YWHAE: variants seen among roughly 807,000 people sequenced by gnomAD.
YWHAE encodes the protein 14-3-3 protein epsilon.
YWHAE carries 4 observed loss-of-function variants against 30.1 expected under a neutral mutation model. The ratio of observed to expected loss-of-function variants is 0.13; its 90% CI spans 0.07 to 0.30. The LOEUF (loss-of-function observed/expected upper bound fraction) is 0.30, where lower values mean the gene tolerates loss of function less well. Ranked by LOEUF, YWHAE falls within the 10% of genes least tolerant of loss-of-function variation. YWHAE has a pLI of 1.00. For missense variants in YWHAE, 121 were observed against 315.9 expected (o/e 0.38, Z 4.68); for synonymous variants, 118 against 111.8 (o/e 1.06, Z -0.35).
chr17:1,361,809 TAAATA>T (rs2072869155), intron 3 of YWHAE, 88 bp downstream of exon 3: 1 of 718,582 alleles, frequency 1.4e-6, no homozygotes, highest in Non-Finnish European at 2.2e-6. Flanking sequence ...CAATTATTCT[TAAATA>T]AAAGTTGAAA....
At chr17:1,358,180 G>A (rs1261046136) in intron 4 of YWHAE, among the ~76,000 whole-genome samples, 1 of 152,118 alleles carries the variant, frequency 6.6e-6, no homozygotes, top group Non-Finnish European at 1.5e-5. Context: ...CTTGAGGCCA[G>A]GATTTCAAGA....
chr17:1,359,229 C>T (rs1247166398), intron 4 of YWHAE, among the ~76,000 whole-genome samples: 1 of 151,990 alleles, frequency 6.6e-6, no homozygotes, highest in African/African-American at 2.4e-5. Flanking sequence ...CTCAGGTAGG[C>T]GAATCGGCTG....
intron 5 of YWHAE, chr17:1,348,130 C>T (rs1421908251): frequency 7.1e-6 from 2 of 280,676 alleles, no homozygotes; most frequent in Non-Finnish European, 1.1e-5. Context: ...GGTCTTACTT[C>T]GTGTAAACTT....
intron 1 of YWHAE, chr17:1,399,233 G>A (rs555023549): frequency 1.3e-5 from 2 of 152,216 alleles, no homozygotes; most frequent in African/African-American, 4.8e-5. Flanking sequence ...GCCAGAGAAA[G>A]GTTACAGGAA....
At position 1,382,662 on chromosome 17, in the gene YWHAE, T is replaced by C. The variant is rs147676479; in HGVS notation, c.64+17385A>G. On this transcript the variant is annotated intron_variant, in intron 1 of 5. Transcript: ENST00000264335. ...GGCGTGAGCCACCACGCCTGGCCAG[T>C]AGTTTTCATTATTTACTTGATATGG... Among the ~76,000 whole-genome samples the C allele has an allele frequency of 9.8e-3, 1,484 of 152,168 alleles. 23 individuals carry two copies. Among genetic ancestry groups the C allele is most frequent in the African/African-American group, 0.033 (1,383 of 41,532 alleles).
At chr17:1,399,121 C>T (rs1209269945) in intron 1 of YWHAE, 1 of 152,108 alleles carries the variant, frequency 6.6e-6, no homozygotes, top group Non-Finnish European at 1.5e-5. Flanking sequence ...GTAAAGTCAT[C>T]GTTTTTACAA....
At chr17:1,385,681 T>G (rs1850939251) in intron 1 of YWHAE, among the ~76,000 whole-genome samples, 1 of 152,094 alleles carries the variant, frequency 6.6e-6, no homozygotes, top group African/African-American at 2.4e-5. Context: ...GGTGGCCTGC[T>G]CCTGAATTTA....
At chr17:1,384,575 C>T (rs745537412) in intron 1 of YWHAE, among the ~76,000 whole-genome samples, 85 of 152,238 alleles carry the variant, frequency 5.6e-4, no homozygotes, top group South Asian at 1.0e-3. Context: ...CACCTGTACT[C>T]CCAGCTACTC....
intron 5 of YWHAE, among the ~76,000 whole-genome samples, chr17:1,352,758 C>T (rs927478589): frequency 3.3e-5 from 5 of 152,016 alleles, no homozygotes; most frequent in African/African-American, 4.8e-5. Context: ...ATCTCCTGAC[C>T]GCGTGATCCA....
intron 1 of YWHAE, among the ~76,000 whole-genome samples, chr17:1,378,408 C>T: frequency 6.6e-6 from 1 of 152,188 alleles, no homozygotes; most frequent in East Asian, 1.9e-4. Context: ...TAATTCATGA[C>T]AATCAACATT....
At chr17:1,379,273 TGAG>T (rs899953800) in intron 1 of YWHAE, among the ~76,000 whole-genome samples, 12 of 151,928 alleles carry the variant, frequency 7.9e-5, no homozygotes, top group African/African-American at 2.9e-4. Context: ...CTGCTTGAGC[TGAG>T]GAGTCTAAGC....
chr17:1,399,758 C>CCCG, intron 1 of YWHAE: 2 of 319,058 alleles, frequency 6.3e-6, no homozygotes, highest in Admixed American at 4.5e-5. Context: ...TCCCCCGCCC[C>CCCG]GGGACTCGCC....
Position 1,400,186 on chromosome 17 carries a change from C to G in YWHAE, c.-76G>C. ...TCTCCGACTCTCTCAGCCTCTCGCT[C>G]CGCGTCCGGGCAGCAAAAATGGCGG... On this transcript the variant is annotated 5_prime_UTR_variant, in exon 1 of 6. Coordinates refer to ENST00000264335, the MANE Select transcript of YWHAE (RefSeq NM_006761.5). The G allele has an allele frequency of 6.3e-7, 1 of 1,575,502 alleles. No homozygotes were observed. Among genetic ancestry groups the G allele is most frequent in the Non-Finnish European group, 8.7e-7 (1 of 1,147,286 alleles).
At chr17:1,345,972 T>G (rs1423990097) in intron 5 of YWHAE, among the ~76,000 whole-genome samples, 1 of 152,194 alleles carries the variant, frequency 6.6e-6, no homozygotes, top group Non-Finnish European at 1.5e-5. Flanking sequence ...GCCAAGAAGT[T>G]CTATCGTATT....
At chr17:1,394,081 T>C (rs2073427827) in intron 1 of YWHAE, among the ~76,000 whole-genome samples, 1 of 152,004 alleles carries the variant, frequency 6.6e-6, no homozygotes, top group Non-Finnish European at 1.5e-5. Flanking sequence ...TTCACAGAGG[T>C]CTTTTGAGTG....
At chr17:1,348,495 A>G (rs745682701) in intron 5 of YWHAE, among the ~76,000 whole-genome samples, 2 of 152,234 alleles carry the variant, frequency 1.3e-5, no homozygotes, top group Admixed American at 6.5e-5. Context: ...AAAAAAATCT[A>G]AATAATCCTT....
intron 1 of YWHAE, among the ~76,000 whole-genome samples, chr17:1,368,704 G>C (rs1363225017): frequency 6.6e-6 from 1 of 152,162 alleles, no homozygotes; most frequent in Non-Finnish European, 1.5e-5. Flanking sequence ...TTTAGAAGCA[G>C]TGGAATAGGT....
chr17:1,384,342 C>G (rs554337091), intron 1 of YWHAE, among the ~76,000 whole-genome samples: 10 of 151,570 alleles, frequency 6.6e-5, no homozygotes, highest in Non-Finnish European at 1.3e-4. Flanking sequence ...CTACTGCACA[C>G]CAGCTTGGGC....
At chr17:1,398,060 T>G (rs2073500998) in intron 1 of YWHAE, among the ~76,000 whole-genome samples, 3 of 152,264 alleles carry the variant, frequency 2.0e-5, no homozygotes, top group South Asian at 2.1e-4. Context: ...TTCAAATCAG[T>G]TTTTTAAAGG....
Sources: allele counts gnomAD v4.1 joint callset (sites outside exome capture counted in the v4.1 genomes callset), GRCh38; gene constraint gnomAD v4.1.1; transcripts MANE v1.5; gene names NCBI Gene and HGNC (gene_info 2026-07-23, HGNC 2026-07-21).